The following ANO3 variants were observed in gnomAD, a reference collection of about 807,000 sequenced individuals.
ANO3 encodes anoctamin-3.
A neutral mutation model predicts 144.8 loss-of-function variants in ANO3; 99 were observed. The ratio of observed to expected loss-of-function variants is 0.68; its 90% CI spans 0.58 to 0.81. ANO3 has a LOEUF of 0.81. Among genes scored for constraint, ANO3 ranks in the 30% least tolerant of loss-of-function variants. The pLI is 0.00. For synonymous variants in ANO3, 414 were observed against 392.6 expected (o/e 1.05, Z -0.64); for missense variants, 905 against 1,202.2 (o/e 0.75, Z 3.66).
chr11:26,595,460 G>GTGTTTTTTTT, intron 14 of ANO3, among the ~76,000 whole-genome samples: 3 of 101,390 alleles, frequency 3.0e-5, no homozygotes, highest in South Asian at 3.3e-4. Context: ...AGATAGAGTT[G>GTGTTTTTTTT]TTTTTTTTTT....
chr11:26,509,817 A>T (rs902036282), intron 5 of ANO3, among the ~76,000 whole-genome samples: 2 of 152,122 alleles, frequency 1.3e-5, no homozygotes, highest in Admixed American at 6.5e-5. Context: ...ATTAGGAAGT[A>T]CTAAACTGTA....
At chr11:26,471,994 G>A (rs1859800541) in intron 4 of ANO3, among the ~76,000 whole-genome samples, 2 of 151,928 alleles carry the variant, frequency 1.3e-5, no homozygotes, top group African/African-American at 2.4e-5. Context: ...AATGAGAGCT[G>A]CAATAACTTC....
At chr11:26,312,541 C>G (rs1175957668) in intron 1 of ANO3, among the ~76,000 whole-genome samples, 2 of 152,186 alleles carry the variant, frequency 1.3e-5, no homozygotes, top group Admixed American at 1.3e-4. Context: ...ACCATTCTAA[C>G]TGGTGTGAGA....
intron 1 of ANO3, among the ~76,000 whole-genome samples, chr11:26,202,156 T>C (rs999660208): frequency 6.0e-5 from 9 of 149,762 alleles, no homozygotes; most frequent in African/African-American, 2.2e-4. Context: ...AAAAATATTT[T>C]ATACAAAATT....
chr11:26,566,088 C>A (rs961695089), intron 14 of ANO3, among the ~76,000 whole-genome samples: 15 of 151,832 alleles, frequency 9.9e-5, no homozygotes, highest in African/African-American at 3.6e-4. Flanking sequence ...TCCACGTAAT[C>A]TTTCTTCCTT....
At chr11:26,572,889 C>A (rs374923080) in intron 14 of ANO3, among the ~76,000 whole-genome samples, 33 of 152,240 alleles carry the variant, frequency 2.2e-4, no homozygotes, top group African/African-American at 7.5e-4. Flanking sequence ...GTAGTTTCCA[C>A]CCTGTGTTCT....
chr11:26,456,977 A>T, intron 3 of ANO3, among the ~76,000 whole-genome samples: 1 of 151,128 alleles, frequency 6.6e-6, no homozygotes, highest in Non-Finnish European at 1.5e-5. Context: ...TCGCAACAAC[A>T]AAAATCCAAA....
intron 1 of ANO3, among the ~76,000 whole-genome samples, chr11:26,256,423 AT>A (rs979628086): frequency 6.6e-6 from 1 of 152,116 alleles, no homozygotes; most frequent in Non-Finnish European, 1.5e-5. Flanking sequence ...ATATATAATA[AT>A]TTTTGCCTTC....
intron 3 of ANO3, 61 bp downstream of exon 3, chr11:26,443,897 T>C: frequency 8.3e-7 from 1 of 1,202,480 alleles, no homozygotes; most frequent in Non-Finnish European, 1.2e-6. Flanking sequence ...AGCTGTGTTC[T>C]TCTAAAAAAA....
At chr11:26,199,395 A>G (rs966217559) in intron 1 of ANO3, among the ~76,000 whole-genome samples, 3 of 152,156 alleles carry the variant, frequency 2.0e-5, no homozygotes, top group Non-Finnish European at 4.4e-5. Flanking sequence ...CTGTTTACAG[A>G]AACTCCTCCA....
intron 4 of ANO3, among the ~76,000 whole-genome samples, chr11:26,476,932 T>TGTGTGA (rs1334120290): frequency 2.9e-4 from 39 of 134,030 alleles, no homozygotes; most frequent in South Asian, 2.5e-3. Context: ...TGTGTGTGTG[T>TGTGTGA]GAGAGAGAGA....
At chr11:26,285,661 A>T (rs972894320) in intron 1 of ANO3, 2 of 152,204 alleles carry the variant, frequency 1.3e-5, no homozygotes, top group Non-Finnish European at 2.9e-5. Flanking sequence ...ATAGCAACCA[A>T]CTGGGCACCA....
intron 1 of ANO3, among the ~76,000 whole-genome samples, chr11:26,418,178 T>G (rs1857647381): frequency 6.6e-6 from 1 of 152,066 alleles, no homozygotes. Flanking sequence ...GGAAGTTCTA[T>G]GGTTACAAAT....
intron 14 of ANO3, among the ~76,000 whole-genome samples, chr11:26,595,008 A>G (rs1173243838): frequency 6.6e-6 from 1 of 152,138 alleles, no homozygotes; most frequent in African/African-American, 2.4e-5. Context: ...TCCAGAATAC[A>G]TCTTAGGGGC....
intron 4 of ANO3, among the ~76,000 whole-genome samples, chr11:26,505,906 T>C (rs1332176777): frequency 3.5e-5 from 5 of 143,434 alleles, no homozygotes; most frequent in African/African-American, 5.2e-5. Flanking sequence ...GGCAGGAGAA[T>C]GGCGTGAATC....
At chr11:26,218,653 T>C (rs1008120530) in intron 1 of ANO3, among the ~76,000 whole-genome samples, 2 of 152,182 alleles carry the variant, frequency 1.3e-5, no homozygotes, top group Admixed American at 6.6e-5. Context: ...AGGACAATAT[T>C]TGAGGAATTT....
chr11:26,209,198 A>G (rs537386885), intron 1 of ANO3, among the ~76,000 whole-genome samples: 5 of 152,110 alleles, frequency 3.3e-5, no homozygotes, highest in African/African-American at 7.2e-5. Flanking sequence ...CCCTGTGTCC[A>G]TGTATTCTCA....
intron 1 of ANO3, among the ~76,000 whole-genome samples, chr11:26,197,965 C>T (rs1360592527): frequency 6.6e-6 from 1 of 152,190 alleles, no homozygotes; most frequent in Non-Finnish European, 1.5e-5. Flanking sequence ...AGCCCCTGTG[C>T]CTTCTCTGTG....
chr11:26,576,144 C>T (rs1352544851), intron 14 of ANO3, among the ~76,000 whole-genome samples: 1 of 152,122 alleles, frequency 6.6e-6, no homozygotes, highest in Non-Finnish European at 1.5e-5. Flanking sequence ...GTAGAACAAG[C>T]TCAGGCTACC....
Sources: gnomAD v4.1 joint callset for allele counts (sites outside exome capture counted in the v4.1 genomes callset) on GRCh38, gnomAD v4.1.1 for gene constraint, MANE v1.5 for transcripts, NCBI Gene and HGNC (gene_info 2026-07-23, HGNC 2026-07-21) for gene names.